Variants in KCNQ1 observed in about 807,000 individuals in gnomAD.
KCNQ1 encodes the protein potassium voltage-gated channel subfamily Q member 1, also known as potassium voltage-gated channel subfamily KQT member 1.
Under a neutral mutation model 72.4 loss-of-function variants are expected in KCNQ1, and 49 were observed. The ratio of observed to expected loss-of-function variants is 0.68; its 90% CI spans 0.54 to 0.86. The LOEUF is 0.86. KCNQ1 is among the 40% of genes least tolerant of loss of function. The pLI, the probability that KCNQ1 is intolerant of heterozygous loss-of-function variation, is 0.00. For synonymous variants in KCNQ1, 450 were observed against 412.6 expected (o/e 1.09, Z -1.10); for missense variants, 790 against 945.1 (o/e 0.84, Z 2.15).
chr11:2,656,770 A>T (rs1220885182), intron 10 of KCNQ1: 3 of 398,220 alleles, frequency 7.5e-6, no homozygotes, highest in African/African-American at 2.1e-5. Context: ...TGCTTCTTTT[A>T]AAAAAAACCA....
chr11:2,641,017 A>T (rs974959944), intron 10 of KCNQ1: 2 of 398,430 alleles, frequency 5.0e-6, no homozygotes, highest in African/African-American at 4.1e-5. Context: ...TTGGTCAATT[A>T]GTATTCCATT....
intron 15 of KCNQ1, among the ~76,000 whole-genome samples, chr11:2,841,670 T>A (rs1178783163): frequency 6.6e-6 from 1 of 152,180 alleles, no homozygotes. Flanking sequence ...AGAGAGCAAG[T>A]AGCTGACGGG....
In KCNQ1 at chr11:2,533,658, C is replaced by A. The variant is rs148067878; in HGVS notation, c.477+5640C>A. The stretch of plus-strand genomic sequence containing the variant: ...GTGTGTCTGACGTGTGTGTGCTTTG[C>A]GTGTTCTTGCCTGGGAAGGAGTTCC... On this transcript the variant is annotated intron_variant, in intron 2 of 15. Coordinates refer to ENST00000155840, the MANE Select transcript of KCNQ1 (RefSeq NM_000218.3). Among the ~76,000 whole-genome samples, 5 of 152,322 alleles carry A rather than the reference C, an allele frequency of 3.3e-5. No homozygotes were observed. In the East Asian group the frequency reaches 7.7e-4, roughly 24 times the overall value.
rs373806061 is a variant in KCNQ1 at position 2,511,302 on chromosome 11, T to C, written c.387-16626T>C. On this transcript the variant is annotated intron_variant, in intron 1 of 15. Coordinates refer to ENST00000155840, the MANE Select transcript of KCNQ1 (RefSeq NM_000218.3). The stretch of plus-strand genomic sequence containing the variant: ...CAGGGCCAGAATTGAGAGCCAGAGG[T>C]TGCCACTGGAGGGCTTCCTGGGGAG... Among the ~76,000 whole-genome samples, 272 of 152,130 alleles carry C rather than the reference T, an allele frequency of 1.8e-3. 1 individual carries two copies. The highest frequency in any genetic ancestry group is 6.0e-3 in the African/African-American group (248 of 41,498).
intron 11 of KCNQ1, among the ~76,000 whole-genome samples, chr11:2,727,103 C>G (rs1845777669): frequency 6.6e-6 from 1 of 152,206 alleles, no homozygotes; most frequent in Admixed American, 6.5e-5. Flanking sequence ...TGTGATATAT[C>G]TGCCCCTGTA....
At chr11:2,716,959 A>G (rs1169472572) in intron 11 of KCNQ1, among the ~76,000 whole-genome samples, 2 of 152,148 alleles carry the variant, frequency 1.3e-5, no homozygotes, top group Admixed American at 6.5e-5. Flanking sequence ...GAGTACAGGA[A>G]CCTCAGTGGT....
chr11:2,521,180 C>G (rs1008125948), intron 1 of KCNQ1, among the ~76,000 whole-genome samples: 1 of 152,146 alleles, frequency 6.6e-6, no homozygotes, highest in Non-Finnish European at 1.5e-5. Flanking sequence ...CCCAAAACTT[C>G]TCTCCCAAAC....
chr11:2,788,433 G>T (rs1464862691), intron 15 of KCNQ1, among the ~76,000 whole-genome samples: 1 of 152,180 alleles, frequency 6.6e-6, no homozygotes. Context: ...TGTCCCAGAG[G>T]CCAGGGAGCA....
At chr11:2,667,834 TTTAG>T (rs1450915329) in intron 11 of KCNQ1, 18 of 398,466 alleles carry the variant, frequency 4.5e-5, no homozygotes, top group African/African-American at 3.5e-4. Flanking sequence ...GTGTTAAACT[TTTAG>T]TTAAAGGGTA....
chr11:2,732,578 C>T (rs1489902095), intron 11 of KCNQ1, among the ~76,000 whole-genome samples: 2 of 152,222 alleles, frequency 1.3e-5, no homozygotes, highest in South Asian at 2.1e-4. Context: ...CAGGCGCGAG[C>T]GAAGGGGCCC....
chr11:2,722,292 T>C (rs1231996915), intron 11 of KCNQ1, among the ~76,000 whole-genome samples: 1 of 151,954 alleles, frequency 6.6e-6, no homozygotes, highest in Non-Finnish European at 1.5e-5. Context: ...GAAAGGACTA[T>C]GGGAGGCCAG....
chr11:2,616,217 ATTTTT>A, intron 10 of KCNQ1: 3 of 384,776 alleles, frequency 7.8e-6, no homozygotes, highest in Non-Finnish European at 1.4e-5. Flanking sequence ...TTTTTTTCTT[ATTTTT>A]GTTTTTTTTT....
Position 2,673,376 on chromosome 11 carries a change from C to A in KCNQ1, c.1514+11295C>A, listed in dbSNP as rs231359. On this transcript the variant is annotated intron_variant, in intron 11 of 15. Coordinates refer to ENST00000155840, the MANE Select transcript of KCNQ1 (RefSeq NM_000218.3). This position sits in a 1 kb window ranked among gnomAD's most constrained non-coding sequence, Gnocchi z 4.5. ...AACAAAGGGAAGTGACAGAGCAGAG[C>A]TCCCCTTGGCCTTTGTTTAGCCCAC... is the stretch of plus-strand genomic sequence containing the variant. 0.36 allele frequency: 141,532 copies of A among 398,476 alleles called. 29,403 individuals carry two copies. The highest frequency in any genetic ancestry group is 0.83 in the East Asian group (23,348 of 28,070). 24.7% of individuals were successfully genotyped at this position (398,476 alleles called of 1,614,324 possible).
chr11:2,647,565 A>G lies in KCNQ1; in HGVS notation c.1394-14396A>G. On this transcript the variant is annotated intron_variant, in intron 10 of 15. Coordinates refer to ENST00000155840, the MANE Select transcript of KCNQ1 (RefSeq NM_000218.3). The surrounding 1 kb of genome is among the most constrained non-coding windows in gnomAD (Gnocchi z 4.0). ...CTCTTCAGTCTTTTGGAATTGTCTG[A>G]GAAGAATTCATGTTAGTTCTTTAAA... 3 of 398,598 alleles carry G rather than the reference A, an allele frequency of 7.5e-6. No individual in the cohort carries two copies. Among genetic ancestry groups the G allele is most frequent in the Non-Finnish European group, 1.3e-5 (3 of 226,060 alleles). 24.7% of individuals were successfully genotyped at this position (398,598 alleles called of 1,614,324 possible).
At position 2,451,929 on chromosome 11, in the gene KCNQ1, A is replaced by C. The variant is rs1244459665; in HGVS notation, c.386+6445A>C. On this transcript the variant is annotated intron_variant, in intron 1 of 15. Coordinates refer to ENST00000155840, the MANE Select transcript of KCNQ1 (RefSeq NM_000218.3). This position sits in a 1 kb window ranked among gnomAD's most constrained non-coding sequence, Gnocchi z 6.4. ...GTGGTCTCAAGTGAGGTGGTGCACT[A>C]TTCCTGGCCTCAGGCCCAGTTTGTA... is the stretch of plus-strand genomic sequence containing the variant. Among the ~76,000 whole-genome samples, 1 of 152,136 alleles carries C rather than the reference A, an allele frequency of 6.6e-6. No homozygotes were observed. The highest frequency in any genetic ancestry group is 2.4e-5 in the African/African-American group (1 of 41,430).
At chr11:2,643,859 C>G in intron 10 of KCNQ1, 1 of 398,508 alleles carries the variant, frequency 2.5e-6, no homozygotes, top group Non-Finnish European at 4.4e-6. Flanking sequence ...TATAACTTTG[C>G]TAAGTACAGT....
In KCNQ1 at chr11:2,482,861, A is replaced by G. The variant is rs1846674668; in HGVS notation, c.386+37377A>G. ...TGTCATCTAGGTTGTTGGGGAAACC[A>G]GGAGTGAGTGGAGCACGAGGGTCAC... is the stretch of plus-strand genomic sequence containing the variant. On this transcript the variant is annotated intron_variant, in intron 1 of 15. Transcript: ENST00000155840. The surrounding 1 kb of genome is among the most constrained non-coding windows in gnomAD (Gnocchi z 5.7). 6.6e-6 allele frequency among the ~76,000 whole-genome samples: 1 copy of G among 152,204 alleles called. No homozygotes were observed. The highest frequency in any genetic ancestry group is 1.5e-5 in the Non-Finnish European group (1 of 68,048).
chr11:2,740,318 C>T (rs1846030979), intron 11 of KCNQ1, among the ~76,000 whole-genome samples: 1 of 152,202 alleles, frequency 6.6e-6, no homozygotes, highest in African/African-American at 2.4e-5. Context: ...TCGACAACTG[C>T]CTTCACTTAA....
intron 1 of KCNQ1, among the ~76,000 whole-genome samples, chr11:2,487,613 T>C (rs1050583802): frequency 2.0e-5 from 3 of 152,164 alleles, no homozygotes; most frequent in Non-Finnish European, 4.4e-5. Context: ...TCCTAAGTAT[T>C]CTACTTGATG....
Sources: gnomAD v4.1 joint callset for allele counts (sites outside exome capture counted in the v4.1 genomes callset) on GRCh38, gnomAD v4.1.1 for gene constraint, Gnocchi (gnomAD v3.1) non-coding constraint, MANE v1.5 for transcripts, NCBI Gene and HGNC (gene_info 2026-07-23, HGNC 2026-07-21) for gene names.